Variants in RYR3 observed in about 807,000 individuals in gnomAD.
RYR3 encodes ryanodine receptor 3, also known as brain ryanodine receptor-calcium release channel.
Under a neutral mutation model 584.3 loss-of-function variants are expected in RYR3, and 207 were observed. That is an observed-to-expected ratio of 0.35 (90% confidence interval 0.32 to 0.40). RYR3 has a LOEUF of 0.40. Ranked by LOEUF, RYR3 falls within the 10% of genes least tolerant of loss-of-function variation. The pLI is 1.00. For synonymous variants in RYR3, 2,416 were observed against 2,248.5 expected, an observed-to-expected ratio of 1.07 and a Z score of -2.11; for missense variants, 5,616 against 6,089.2, an observed-to-expected ratio of 0.92 and a Z score of 2.59.
At chr15:33,569,759 T>C (rs1370204395) in intron 12 of RYR3, among the ~76,000 whole-genome samples, 2 of 152,186 alleles carry the variant, frequency 1.3e-5, no homozygotes, top group African/African-American at 2.4e-5. Context: ...CATTTGTTAC[T>C]ATCTGACTTT....
intron 1 of RYR3, among the ~76,000 whole-genome samples, chr15:33,434,786 C>T (rs1387529434): frequency 6.6e-6 from 1 of 152,094 alleles, no homozygotes; most frequent in African/African-American, 2.4e-5. Context: ...TTTCTCCCAA[C>T]ACTAATAAAA....
At chr15:33,580,180 T>A (rs953966358) in intron 13 of RYR3, 36 bp downstream of exon 13, 2 of 1,498,798 alleles carry the variant, frequency 1.3e-6, no homozygotes, top group African/African-American at 1.4e-5. Context: ...ATTCACTTAG[T>A]GTCCAGAGCT....
At chr15:33,429,355 A>G (rs565088998) in intron 1 of RYR3, among the ~76,000 whole-genome samples, 140 of 152,324 alleles carry the variant, frequency 9.2e-4, no homozygotes, top group Non-Finnish European at 1.6e-3. Flanking sequence ...ACGCAGCTCA[A>G]AGAGATGTAT....
intron 32 of RYR3, among the ~76,000 whole-genome samples, chr15:33,655,107 G>A (rs1020721812): frequency 6.6e-6 from 1 of 152,230 alleles, no homozygotes; most frequent in African/African-American, 2.4e-5. Context: ...GGGAGAAAGT[G>A]GAATCATCAC....
intron 1 of RYR3, among the ~76,000 whole-genome samples, chr15:33,349,062 A>G (rs961352344): frequency 6.8e-6 from 1 of 147,816 alleles, no homozygotes; most frequent in African/African-American, 2.5e-5. Context: ...AGCAATATGC[A>G]CTTAAGGTTC....
intron 18 of RYR3, among the ~76,000 whole-genome samples, chr15:33,606,578 G>A (rs2059917278): frequency 2.6e-5 from 4 of 152,168 alleles, no homozygotes; most frequent in Admixed American, 2.6e-4. Context: ...CATCAGCTGT[G>A]GGAACATCTG....
chr15:33,465,423 G>C (rs1349043708), intron 1 of RYR3, among the ~76,000 whole-genome samples: 1 of 152,148 alleles, frequency 6.6e-6, no homozygotes, highest in African/African-American at 2.4e-5. Context: ...ATGGTTTTCA[G>C]TGTACATCTA....
intron 46 of RYR3, 67 bp downstream of exon 46, chr15:33,726,573 G>A (rs1338616908): frequency 4.7e-6 from 7 of 1,497,378 alleles, no homozygotes; most frequent in Non-Finnish European, 6.2e-6. Context: ...GCAGGACTCT[G>A]TCCCCAGCAC....
intron 45 of RYR3, among the ~76,000 whole-genome samples, chr15:33,725,969 C>A (rs1049419648): frequency 3.3e-5 from 1 of 30,698 alleles, no homozygotes; most frequent in Non-Finnish European, 8.3e-5. Context: ...GACTCCATCC[C>A]CCCCCCCAAA....
At chr15:33,704,586 G>C (rs543088343) in intron 42 of RYR3, among the ~76,000 whole-genome samples, 1 of 152,268 alleles carries the variant, frequency 6.6e-6, no homozygotes, top group Non-Finnish European at 1.5e-5. Context: ...TCTGTTATTC[G>C]TACATTTAGA....
At chr15:33,582,305 A>C (rs1415532761) in intron 14 of RYR3, among the ~76,000 whole-genome samples, 1 of 152,184 alleles carries the variant, frequency 6.6e-6, no homozygotes, top group African/African-American at 2.4e-5. Context: ...CTAGTACTTT[A>C]GGGCTTTGCT....
At chr15:33,439,374 A>G (rs2046021071) in intron 1 of RYR3, among the ~76,000 whole-genome samples, 1 of 152,044 alleles carries the variant, frequency 6.6e-6, no homozygotes, top group African/African-American at 2.4e-5. Flanking sequence ...GTGTTTTATC[A>G]TTGTGCATGA....
At chr15:33,586,154 G>A (rs767906333) in intron 16 of RYR3, 38 bp downstream of exon 16, 1 of 1,164,916 alleles carries the variant, frequency 8.6e-7, no homozygotes, top group Non-Finnish European at 1.3e-6. Context: ...TTTGCCTGGT[G>A]TTTCCCTCCC....
chr15:33,694,641 T>A (rs770100796), intron 38 of RYR3, among the ~76,000 whole-genome samples: 1 of 152,184 alleles, frequency 6.6e-6, no homozygotes, highest in Non-Finnish European at 1.5e-5. Context: ...ACTTTTATAT[T>A]TGGACTCTGA....
At chr15:33,504,555 C>T (rs967259015) in intron 3 of RYR3, among the ~76,000 whole-genome samples, 4 of 152,184 alleles carry the variant, frequency 2.6e-5, no homozygotes, top group Non-Finnish European at 4.4e-5. Context: ...CTTACCCCCT[C>T]CTCCCGTTTT....
intron 2 of RYR3, among the ~76,000 whole-genome samples, chr15:33,474,163 A>C (rs542936370): frequency 6.6e-6 from 1 of 152,278 alleles, no homozygotes; most frequent in Non-Finnish European, 1.5e-5. Flanking sequence ...GCATTCTTGC[A>C]GTGCTTTTCA....
intron 1 of RYR3, among the ~76,000 whole-genome samples, chr15:33,424,300 G>A (rs1001676275): frequency 1.1e-4 from 16 of 152,202 alleles, no homozygotes; most frequent in Admixed American, 2.6e-4. Context: ...GTGAAGACAA[G>A]ACAGGTCAAG....
intron 37 of RYR3, 37 bp downstream of exon 37, chr15:33,669,493 C>T (rs749355549): frequency 1.6e-5 from 25 of 1,561,884 alleles, no homozygotes; most frequent in Admixed American, 5.0e-5. Context: ...CCTTTTTTTA[C>T]AAGAAGAGTC....
At position 33,838,664 on chromosome 15, in the gene RYR3, G is replaced by C. The variant is rs1267755665; in HGVS notation, c.12684G>C (p.Val4228=). 1 of 1,613,930 alleles carries C rather than the reference G, an allele frequency of 6.2e-7. No homozygotes were observed. Among genetic ancestry groups the C allele is most frequent in the Non-Finnish European group, 8.5e-7 (1 of 1,179,864 alleles). ...GLVEGAKNIR[V]TKILGDMPDP... ...TAGAAGGGGCAAAGAACATCAGAGTGACCAAGATCCTGGGTGACATGCCTG... is the reference window on the plus strand; with the variant it reads ...TAGAAGGGGCAAAGAACATCAGAGTCACCAAGATCCTGGGTGACATGCCTG... The change falls in exon 89 of 104, where the codon GTG becomes GTC. Residue 4228 remains valine, a synonymous_variant. Transcript: ENST00000634891.
Sources: gnomAD v4.1 joint callset for allele counts (sites outside exome capture counted in the v4.1 genomes callset) on GRCh38, gnomAD v4.1.1 for gene constraint, MANE v1.5 for transcripts, NCBI Gene and HGNC (gene_info 2026-07-23, HGNC 2026-07-21) for gene names.